The following ZBTB20 variants were observed in gnomAD, a reference collection of about 807,000 sequenced individuals.
ZBTB20 encodes zinc finger and BTB domain-containing protein 20.
A neutral mutation model predicts 56.9 loss-of-function variants in ZBTB20; 9 were observed. The observed-to-expected ratio is 0.16, with a 90% confidence interval of 0.10 to 0.28. The LOEUF is 0.28. Ranked by LOEUF, ZBTB20 falls within the 10% of genes least tolerant of loss-of-function variation. The pLI is 1.00. For synonymous variants in ZBTB20, 417 were observed against 420.7 expected, an observed-to-expected ratio of 0.99 and a Z score of 0.11; for missense variants, 655 against 1,003.0, an observed-to-expected ratio of 0.65 and a Z score of 4.69.
intron 6 of ZBTB20, among the ~76,000 whole-genome samples, chr3:114,516,963 C>CCTTT (rs1166746967): frequency 2.0e-5 from 3 of 152,044 alleles, no homozygotes; most frequent in Non-Finnish European, 4.4e-5. Flanking sequence ...TTACAAAGCC[C>CCTTT]CAGAAAACTG....
In ZBTB20 at chr3:115,134,573, G is replaced by T. The variant is rs1368829733; in HGVS notation, c.-703+12646C>A. 4.0e-5 allele frequency among the ~76,000 whole-genome samples: 6 copies of T among 151,162 alleles called. No individual in the cohort carries two copies. The East Asian group carries it at 1.2e-3, about 29-fold the overall frequency. ...CTTTTCATTCACTAATTCATATTTC[G>T]ACAGTGACTATGCTCTCCCACAAAT... On this transcript the variant is annotated intron_variant, in intron 1 of 11. Coordinates refer to ENST00000675478, the MANE Select transcript of ZBTB20 (RefSeq NM_001348800.3).
At chr3:114,464,725 A>T (rs2092467932) in intron 7 of ZBTB20, among the ~76,000 whole-genome samples, 1 of 152,126 alleles carries the variant, frequency 6.6e-6, no homozygotes, top group Non-Finnish European at 1.5e-5. Context: ...TAGTGGATAA[A>T]AAGGACATGA....
At chr3:114,461,259 G>T (rs1476344328) in intron 7 of ZBTB20, among the ~76,000 whole-genome samples, 2 of 151,408 alleles carry the variant, frequency 1.3e-5, no homozygotes, top group Non-Finnish European at 2.9e-5. Context: ...AAAGAAGCAT[G>T]AGGCAGCTTA....
intron 8 of ZBTB20, among the ~76,000 whole-genome samples, chr3:114,382,580 T>C (rs2084513888): frequency 1.3e-5 from 2 of 152,238 alleles, no homozygotes; most frequent in Admixed American, 1.3e-4. Context: ...GGTGTCTTCA[T>C]CTTATAACTG....
At chr3:114,420,583 T>C (rs968846718) in intron 7 of ZBTB20, among the ~76,000 whole-genome samples, 3 of 152,112 alleles carry the variant, frequency 2.0e-5, no homozygotes, top group African/African-American at 7.2e-5. Flanking sequence ...ATCATAGCAC[T>C]CTGAAGAATA....
At chr3:115,018,472 CAT>C (rs1455499416) in intron 2 of ZBTB20, among the ~76,000 whole-genome samples, 2 of 151,330 alleles carry the variant, frequency 1.3e-5, no homozygotes, top group Non-Finnish European at 3.0e-5. Flanking sequence ...TTGATCTCCA[CAT>C]GAGCAGAGAC....
intron 2 of ZBTB20, among the ~76,000 whole-genome samples, chr3:114,989,504 C>A (rs141147465): frequency 1.3e-5 from 2 of 152,092 alleles, no homozygotes; most frequent in Non-Finnish European, 2.9e-5. Context: ...GTTACTGTAG[C>A]CTTGTAGTAT....
chr3:114,872,064 C>G (rs2076034419), intron 4 of ZBTB20, among the ~76,000 whole-genome samples: 1 of 152,126 alleles, frequency 6.6e-6, no homozygotes, highest in Non-Finnish European at 1.5e-5. Flanking sequence ...TAAGCAAACT[C>G]AAATATTATT....
intron 6 of ZBTB20, among the ~76,000 whole-genome samples, chr3:114,620,349 A>G (rs763220688): frequency 2.0e-5 from 3 of 151,918 alleles, no homozygotes; most frequent in African/African-American, 4.8e-5. Context: ...CTGGAGTGCA[A>G]TGGCACGACT....
chr3:114,787,321 TCTTAAAA>T lies in ZBTB20; in HGVS notation c.-343+13773_-343+13779del, dbSNP rs1335402564. Among the ~76,000 whole-genome samples, 7 of 113,438 alleles carry T rather than the reference TCTTAAAA, an allele frequency of 6.2e-5. No individual in the cohort carries two copies. In the East Asian group the frequency reaches 6.8e-4, roughly 11 times the overall value. The allele number at this position is 113,438 out of a possible 152,430, so 74.4% of individuals were successfully genotyped here. A position where few individuals can be genotyped will look rare whatever the true frequency, so the allele number is the denominator to read the frequency against. ...CATCAAGCTGAGTGAAAGAAGCCAG[TCTTAAAA>T]GGTTATATATATATATATATATATA... is the stretch of plus-strand genomic sequence containing the variant. On this transcript the variant is annotated intron_variant, in intron 5 of 11. Transcript: ENST00000675478.
chr3:115,087,675 G>A (rs1352085534), intron 1 of ZBTB20, among the ~76,000 whole-genome samples: 1 of 151,894 alleles, frequency 6.6e-6, no homozygotes, highest in Admixed American at 6.6e-5. Flanking sequence ...GTAACTGTAG[G>A]CAAGTTATTT....
At chr3:114,704,989 T>G (rs2063627198) in intron 5 of ZBTB20, among the ~76,000 whole-genome samples, 1 of 152,174 alleles carries the variant, frequency 6.6e-6, no homozygotes, top group Non-Finnish European at 1.5e-5. Flanking sequence ...ATATTCTATA[T>G]GTACTATACC....
intron 2 of ZBTB20, among the ~76,000 whole-genome samples, chr3:114,981,864 T>A (rs574662869): frequency 1.3e-5 from 2 of 152,118 alleles, no homozygotes; most frequent in Admixed American, 1.3e-4. Flanking sequence ...CTTTCATGAG[T>A]TGATGGTTTT....
chr3:114,407,039 G>A (rs1396620991), intron 7 of ZBTB20, among the ~76,000 whole-genome samples: 3 of 152,156 alleles, frequency 2.0e-5, no homozygotes, highest in Non-Finnish European at 2.9e-5. Flanking sequence ...GTGAGAACTG[G>A]CCTCATCCCT....
intron 4 of ZBTB20, among the ~76,000 whole-genome samples, chr3:114,842,316 G>T (rs2074416091): frequency 6.6e-6 from 1 of 152,064 alleles, no homozygotes; most frequent in African/African-American, 2.4e-5. Flanking sequence ...TCTCCATCTG[G>T]AACTGATGAA....
chr3:115,002,389 A>G (rs1287779719), intron 2 of ZBTB20, among the ~76,000 whole-genome samples: 1 of 151,604 alleles, frequency 6.6e-6, no homozygotes, highest in East Asian at 1.9e-4. Flanking sequence ...TATTAAAATT[A>G]AAACTTCCAT....
intron 4 of ZBTB20, among the ~76,000 whole-genome samples, chr3:114,827,331 A>G (rs2073586209): frequency 6.6e-6 from 1 of 151,682 alleles, no homozygotes; most frequent in Non-Finnish European, 1.5e-5. Flanking sequence ...GTTTCTGTAT[A>G]TAGTGTACTT....
intron 6 of ZBTB20, among the ~76,000 whole-genome samples, chr3:114,565,137 C>T (rs2052564446): frequency 6.6e-6 from 1 of 152,094 alleles, no homozygotes; most frequent in Non-Finnish European, 1.5e-5. Flanking sequence ...TAAAATAATG[C>T]CAACAGCTGG....
intron 6 of ZBTB20, among the ~76,000 whole-genome samples, chr3:114,691,034 T>C (rs921286490): frequency 1.3e-5 from 2 of 151,946 alleles, no homozygotes; most frequent in Non-Finnish European, 2.9e-5. Flanking sequence ...CAAAAGAAAA[T>C]AGTTCCCCCA....
Sources: allele counts gnomAD v4.1 joint callset (sites outside exome capture counted in the v4.1 genomes callset), GRCh38; gene constraint gnomAD v4.1.1; transcripts MANE v1.5; gene names NCBI Gene and HGNC (gene_info 2026-07-23, HGNC 2026-07-21).